Variants in FXR1 observed in about 807,000 individuals in gnomAD.
The protein encoded by FXR1 is RNA-binding protein FXR1.
A neutral mutation model predicts 84.0 loss-of-function variants in FXR1; 15 were observed. That is an observed-to-expected ratio of 0.18 (90% CI 0.12 to 0.27). The LOEUF is 0.27. Among genes scored for constraint, FXR1 ranks in the 10% least tolerant of loss-of-function variants. The probability of loss-of-function intolerance (pLI) is 1.00; values close to 1 mark genes in which losing one functional copy is unlikely to be tolerated. For synonymous variants in FXR1, 245 were observed against 250.7 expected, an observed-to-expected ratio of 0.98 and a Z score of 0.21; for missense variants, 480 against 774.4, an observed-to-expected ratio of 0.62 and a Z score of 4.51.
chr3:180,951,502 G>T (rs2108469528), intron 8 of FXR1, 34 bp downstream of exon 8: 2 of 1,398,880 alleles, frequency 1.4e-6, no homozygotes, highest in Non-Finnish European at 2.0e-6. Context: ...GGCCTTTAGT[G>T]TATTAACCAT....
At chr3:180,928,278 A>G (rs1719466814) in intron 1 of FXR1, among the ~76,000 whole-genome samples, 1 of 152,040 alleles carries the variant, frequency 6.6e-6, no homozygotes, top group South Asian at 2.1e-4. Context: ...CTGTTCCTTT[A>G]AAATATCTTT....
Position 180,976,391 on chromosome 3 carries a change from T to A in FXR1, c.*99T>A. 2 of 763,422 alleles carry A rather than the reference T, an allele frequency of 2.6e-6. No individual in the cohort carries two copies. Among genetic ancestry groups the A allele is most frequent in the Non-Finnish European group, 2.1e-6 (1 of 477,830 alleles). 47.3% of individuals were successfully genotyped at this position (763,422 alleles called of 1,614,324 possible). A position where few individuals can be genotyped will look rare whatever the true frequency, so the allele number is the denominator to read the frequency against. On this transcript the variant is annotated 3_prime_UTR_variant, in exon 17 of 17. Coordinates refer to ENST00000357559, the MANE Select transcript of FXR1 (RefSeq NM_005087.4). The stretch of plus-strand genomic sequence containing the variant: ...AGAATATGGATCGCCAGTCTTTACA[T>A]CGCACTTTCAGTTCCTCCATTTGGA...
Position 180,980,289 on chromosome 3 carries a change from G to A in FXR1, c.*3997G>A, listed in dbSNP as rs1714548360. 6.6e-6 allele frequency: 1 copy of A among 151,940 alleles called. No individual in the cohort carries two copies. Among genetic ancestry groups the A allele is most frequent in the Admixed American group, 6.6e-5 (1 of 15,234 alleles). The allele number at this position is 151,940 out of a possible 1,614,324, so 9.4% of individuals were successfully genotyped here. On this transcript the variant is annotated 3_prime_UTR_variant, in exon 17 of 17. Coordinates refer to ENST00000357559, the MANE Select transcript of FXR1 (RefSeq NM_005087.4). Reference sequence around the variant, plus strand: ...CAATCTATAAGATATTCCAAACAAGGACAAAGTAATTTTTCACAAGTCTTA... The same window carrying A: ...CAATCTATAAGATATTCCAAACAAGAACAAAGTAATTTTTCACAAGTCTTA...
At chr3:180,973,937 T>C (rs1380075070) in intron 15 of FXR1, among the ~76,000 whole-genome samples, 1 of 152,204 alleles carries the variant, frequency 6.6e-6, no homozygotes, top group Admixed American at 6.5e-5. Flanking sequence ...ATTTATACTT[T>C]ATGGACCAAT....
At chr3:180,956,680 A>T (rs1722768449) in intron 9 of FXR1, among the ~76,000 whole-genome samples, 1 of 151,404 alleles carries the variant, frequency 6.6e-6, no homozygotes, top group African/African-American at 2.4e-5. Flanking sequence ...CGTCATGTGA[A>T]TTCCCTGCCC....
At chr3:180,932,785 C>G (rs1720086922) in intron 1 of FXR1, among the ~76,000 whole-genome samples, 1 of 152,150 alleles carries the variant, frequency 6.6e-6, no homozygotes, top group African/African-American at 2.4e-5. Context: ...ATGCATTTTA[C>G]TGAAGGTGAA....
intron 1 of FXR1, chr3:180,927,829 G>C: frequency 4.8e-6 from 2 of 419,470 alleles, no homozygotes; most frequent in Non-Finnish European, 8.4e-6. Context: ...TGTTCACCTA[G>C]TTCATATCCA....
At chr3:180,973,550 T>C (rs1713847010) in intron 15 of FXR1, among the ~76,000 whole-genome samples, 1 of 152,256 alleles carries the variant, frequency 6.6e-6, no homozygotes, top group Non-Finnish European at 1.5e-5. Context: ...TGCTACCATG[T>C]ATGTAGACAT....
At chr3:180,950,887 C>T (rs1040490804) in intron 7 of FXR1, among the ~76,000 whole-genome samples, 2 of 152,006 alleles carry the variant, frequency 1.3e-5, no homozygotes, top group Admixed American at 6.6e-5. Context: ...TCTTTACTGT[C>T]GTAAATAATG....
At chr3:180,932,286 A>C (rs1298429348) in intron 1 of FXR1, among the ~76,000 whole-genome samples, 1 of 152,056 alleles carries the variant, frequency 6.6e-6, no homozygotes, top group Non-Finnish European at 1.5e-5. Context: ...GACATTATGG[A>C]GTCTAGTGTG....
intron 16 of FXR1, 23 bp downstream of exon 16, chr3:180,975,427 G>GT (rs34318725): frequency 0.24 from 158,593 of 669,706 alleles, 4,414 homozygotes; most frequent in African/African-American, 0.29. Context: ...TAACCTGTAG[G>GT]TTTTTTTTTT....
intron 3 of FXR1, among the ~76,000 whole-genome samples, chr3:180,945,280 T>A (rs191079393): frequency 1.3e-5 from 2 of 152,254 alleles, no homozygotes; most frequent in Non-Finnish European, 2.9e-5. Context: ...TATTGAATAT[T>A]TTTGCATTTC....
At chr3:180,932,816 A>G (rs1426379548) in intron 1 of FXR1, among the ~76,000 whole-genome samples, 2 of 152,258 alleles carry the variant, frequency 1.3e-5, no homozygotes, top group African/African-American at 4.8e-5. Flanking sequence ...GATAACATTT[A>G]TAACAAAATT....
In FXR1 at chr3:180,943,985, C is replaced by T. The variant is rs150084972; in HGVS notation, c.199-3880C>T. On this transcript the variant is annotated intron_variant, in intron 3 of 16. Transcript: ENST00000357559. ...AGGCTGGAGGGCAATGGCGCGATCT[C>T]AGCTCACCGCAGCCTCCGCCTCCCA... 7.5e-4 allele frequency among the ~76,000 whole-genome samples: 114 copies of T among 152,088 alleles called. 1 individual carries two copies. The East Asian group carries it at 0.02, about 27-fold the overall frequency.
At chr3:180,928,982 C>T (rs747651084) in intron 1 of FXR1, among the ~76,000 whole-genome samples, 18 of 151,760 alleles carry the variant, frequency 1.2e-4, no homozygotes, top group Non-Finnish European at 1.9e-4. Flanking sequence ...GAGTGCAATG[C>T]GCTTTCTCGG....
intron 15 of FXR1, chr3:180,971,373 G>A (rs915778456): frequency 1.2e-5 from 2 of 163,476 alleles, no homozygotes; most frequent in African/African-American, 2.4e-5. Context: ...TTGAACTAAT[G>A]TTGTGTCCTA....
intron 3 of FXR1, among the ~76,000 whole-genome samples, chr3:180,946,155 G>A (rs1363615259): frequency 6.6e-6 from 1 of 152,160 alleles, no homozygotes; most frequent in Non-Finnish European, 1.5e-5. Context: ...TACAAGGATG[G>A]TGTCTTTGGT....
chr3:180,918,617 C>T (rs1431276209), intron 1 of FXR1, among the ~76,000 whole-genome samples: 4 of 152,176 alleles, frequency 2.6e-5, no homozygotes, highest in Non-Finnish European at 5.9e-5. Context: ...CCATGATTGA[C>T]CCCTAATTCT....
chr3:180,963,597 T>G (rs1189094098), intron 13 of FXR1, among the ~76,000 whole-genome samples: 1 of 152,210 alleles, frequency 6.6e-6, no homozygotes, highest in Non-Finnish European at 1.5e-5. Context: ...TATATTAACA[T>G]CTCACATCTG....
Sources: gnomAD v4.1 joint callset for allele counts (sites outside exome capture counted in the v4.1 genomes callset) on GRCh38, gnomAD v4.1.1 for gene constraint, MANE v1.5 for transcripts, NCBI Gene and HGNC (gene_info 2026-07-23, HGNC 2026-07-21) for gene names.